Variants in MAP3K5 observed in about 807,000 individuals in gnomAD.
MAP3K5 encodes the protein ASK-1.
Under a neutral mutation model 158.7 loss-of-function variants are expected in MAP3K5, and 56 were observed. The observed-to-expected ratio is 0.35, with a 90% CI of 0.28 to 0.44. The LOEUF (loss-of-function observed/expected upper bound fraction) is 0.44, where lower values mean the gene tolerates loss of function less well. Ranked by LOEUF, MAP3K5 falls within the 20% of genes least tolerant of loss-of-function variation. The pLI is 1.00. For synonymous variants in MAP3K5, 579 were observed against 601.7 expected (o/e 0.96, Z 0.55); for missense variants, 1,294 against 1,674.8 (o/e 0.77, Z 3.97).
At chr6:136,731,857 C>A (rs1782240083) in intron 1 of MAP3K5, among the ~76,000 whole-genome samples, 1 of 152,148 alleles carries the variant, frequency 6.6e-6, no homozygotes, top group Admixed American at 6.5e-5. Flanking sequence ...CCTTTACAAT[C>A]AGTAAGGAAA....
chr6:136,614,301 A>G lies in MAP3K5; in HGVS notation c.2151-15T>C, dbSNP rs1308517367. 1 of 1,609,738 alleles carries G rather than the reference A, an allele frequency of 6.2e-7. No individual in the cohort carries two copies. Among genetic ancestry groups the G allele is most frequent in the Admixed American group, 1.7e-5 (1 of 59,498 alleles). ...GCTGAGAGTATCTAAAAGACATGCA[A>G]TTGTCAATGAGTTAATTATGTAGCC... On this transcript the variant is annotated splice_polypyrimidine_tract_variant and intron_variant, in intron 15 of 29. Coordinates refer to ENST00000359015, the MANE Select transcript of MAP3K5 (RefSeq NM_005923.4).
intron 8 of MAP3K5, among the ~76,000 whole-genome samples, chr6:136,664,051 G>T (rs1489621808): frequency 6.6e-6 from 1 of 152,110 alleles, no homozygotes; most frequent in Non-Finnish European, 1.5e-5. Flanking sequence ...GTTAGGAATG[G>T]GGCCACACAC....
intron 28 of MAP3K5, among the ~76,000 whole-genome samples, chr6:136,559,105 C>T (rs1274804596): frequency 2.0e-5 from 3 of 152,230 alleles, no homozygotes; most frequent in South Asian, 2.1e-4. Flanking sequence ...AACCCTAGCA[C>T]TTTAGGAGGC....
rs1775892471 is a variant in MAP3K5, at chr6:136,601,869, GT to G, written c.2789del (p.Asn930ThrfsTer9). The G allele has an allele frequency of 6.2e-7, 1 of 1,614,016 alleles. No individual in the cohort carries two copies. Among genetic ancestry groups the G allele is most frequent in the Non-Finnish European group, 8.5e-7 (1 of 1,180,004 alleles). On this transcript the variant is annotated frameshift_variant, in exon 20 of 30. Coordinates refer to ENST00000359015, the MANE Select transcript of MAP3K5 (RefSeq NM_005923.4). LOFTEE classifies it high-confidence loss of function. ...TTAAAAACTCATCAACAAGCAAGTCGTTAGCACAGGCTCTCTTGTCAGGATC... is the reference window on the plus strand; with the variant it reads ...TTAAAAACTCATCAACAAGCAAGTCGTAGCACAGGCTCTCTTGTCAGGATC... ...EPDPDKRACA[N>X]DLLVDEFLKV...
chr6:136,600,854 C>T (rs1427139613), intron 21 of MAP3K5, among the ~76,000 whole-genome samples, 168 bp downstream of exon 21: 1 of 151,590 alleles, frequency 6.6e-6, no homozygotes, highest in African/African-American at 2.4e-5. Context: ...AAGGAATAAG[C>T]CCAGCCAGGC....
intron 9 of MAP3K5, among the ~76,000 whole-genome samples, chr6:136,658,309 C>CT (rs1352808549): frequency 0.015 from 1,127 of 75,382 alleles, 35 homozygotes; most frequent in African/African-American, 0.036. Context: ...TTCTTTCTTT[C>CT]TTTCTTTTTT....
At chr6:136,561,733 T>C (rs1363729907) in intron 27 of MAP3K5, 88 bp from the exon 28 acceptor site, 6 of 719,782 alleles carry the variant, frequency 8.3e-6, no homozygotes, top group African/African-American at 1.8e-5. Context: ...TTATTGATAC[T>C]TTAAAAGATT....
chr6:136,600,187 AT>A (rs907571176), intron 21 of MAP3K5, among the ~76,000 whole-genome samples: 4,996 of 132,672 alleles, frequency 0.038, 84 homozygotes, highest in African/African-American at 0.062. Flanking sequence ...CATGCTGTTA[AT>A]TTTTTTTTTT....
intron 10 of MAP3K5, among the ~76,000 whole-genome samples, chr6:136,652,270 G>GA (rs1265370862): frequency 6.6e-6 from 1 of 151,980 alleles, no homozygotes; most frequent in Non-Finnish European, 1.5e-5. Flanking sequence ...AAGGGAGGTA[G>GA]AAAAAAACAA....
chr6:136,769,680 C>G (rs957989974), intron 1 of MAP3K5, among the ~76,000 whole-genome samples: 1 of 146,630 alleles, frequency 6.8e-6, no homozygotes, highest in South Asian at 2.2e-4. Flanking sequence ...TTATCCCTAA[C>G]GTCTGGCACT....
chr6:136,596,078 G>T (rs577132380), intron 21 of MAP3K5, among the ~76,000 whole-genome samples: 1 of 152,264 alleles, frequency 6.6e-6, no homozygotes, highest in South Asian at 2.1e-4. Context: ...AGCCTACCTG[G>T]CTGGAGATGG....
intron 23 of MAP3K5, among the ~76,000 whole-genome samples, chr6:136,585,473 C>CTTTCTTTCTTTATTTATTTA (rs562356592): frequency 3.7e-5 from 5 of 135,038 alleles, no homozygotes; most frequent in African/African-American, 1.4e-4. Flanking sequence ...CTTTTCTTTT[C>CTTTCTTTCTTTATTTATTTA]TTTATTTATT....
intron 23 of MAP3K5, chr6:136,584,373 A>C (rs1775021180): frequency 6.5e-6 from 1 of 153,410 alleles, no homozygotes; most frequent in Non-Finnish European, 1.4e-5. Flanking sequence ...TGGGCAATTT[A>C]CAAAAGAAAG....
At chr6:136,713,819 C>G (rs1172522233) in intron 2 of MAP3K5, among the ~76,000 whole-genome samples, 1 of 152,056 alleles carries the variant, frequency 6.6e-6, no homozygotes, top group Admixed American at 6.6e-5. Context: ...ATAAAGTAAG[C>G]TAGAGACTTT....
intron 4 of MAP3K5, among the ~76,000 whole-genome samples, chr6:136,697,933 C>A (rs185988722): frequency 4.8e-4 from 73 of 152,196 alleles, no homozygotes; most frequent in Non-Finnish European, 7.8e-4. Flanking sequence ...TTGGTAGAGA[C>A]AGGGTTTCGG....
At chr6:136,734,421 GAA>G (rs1016817563) in intron 1 of MAP3K5, among the ~76,000 whole-genome samples, 6 of 56,738 alleles carry the variant, frequency 1.1e-4, no homozygotes, top group Non-Finnish European at 1.6e-4. Flanking sequence ...CTCTGTCTCG[GAA>G]AAAAAAAAAA....
intron 1 of MAP3K5, among the ~76,000 whole-genome samples, chr6:136,769,773 A>G (rs535454379): frequency 3.5e-4 from 12 of 34,046 alleles, no homozygotes; most frequent in African/African-American, 1.2e-3. Context: ...GGAAGGAAGG[A>G]AGGAAGGAAG....
At chr6:136,650,870 C>T in intron 11 of MAP3K5, 114 bp downstream of exon 11, 1 of 581,282 alleles carries the variant, frequency 1.7e-6, no homozygotes. Context: ...GACAGACACA[C>T]AGCTGAGCTA....
intron 1 of MAP3K5, among the ~76,000 whole-genome samples, chr6:136,721,833 C>T (rs1403941267): frequency 6.6e-6 from 1 of 152,124 alleles, no homozygotes; most frequent in East Asian, 1.9e-4. Flanking sequence ...GCCTGGGCAA[C>T]AGAGCAAGAC....
Sources: gnomAD v4.1 joint callset for allele counts (sites outside exome capture counted in the v4.1 genomes callset) on GRCh38, gnomAD v4.1.1 for gene constraint, MANE v1.5 for transcripts, NCBI Gene and HGNC (gene_info 2026-07-23, HGNC 2026-07-21) for gene names.